The following PRKG1 variants were observed in gnomAD, a reference collection of about 807,000 sequenced individuals.
PRKG1 encodes the protein protein kinase cGMP-dependent 1.
PRKG1 carries 35 observed loss-of-function variants against 88.1 expected under a neutral mutation model. The ratio of observed to expected loss-of-function variants is 0.40; its 90% CI spans 0.30 to 0.53. PRKG1 has a LOEUF of 0.53. Among genes scored for constraint, PRKG1 ranks in the 20% least tolerant of loss-of-function variants. The probability of loss-of-function intolerance (pLI) is 0.59; values close to 1 mark genes in which losing one functional copy is unlikely to be tolerated. For synonymous variants in PRKG1, 303 were observed against 292.5 expected, an observed-to-expected ratio of 1.04 and a Z score of -0.37; for missense variants, 540 against 839.8, an observed-to-expected ratio of 0.64 and a Z score of 4.41.
intron 5 of PRKG1, among the ~76,000 whole-genome samples, chr10:52,024,282 TACTTA>T (rs1845268318): frequency 6.6e-6 from 1 of 151,330 alleles, no homozygotes; most frequent in Non-Finnish European, 1.5e-5. Flanking sequence ...AAAACTACTT[TACTTA>T]TTTATTTATT....
At chr10:51,986,852 G>A (rs11000384) in intron 5 of PRKG1, among the ~76,000 whole-genome samples, 37,218 of 152,028 alleles carry the variant, frequency 0.24, 4,642 homozygotes, top group East Asian at 0.32. Context: ...CCCATAGAAG[G>A]AACAGGAAAA....
intron 9 of PRKG1, among the ~76,000 whole-genome samples, chr10:52,167,232 G>A (rs1325574420): frequency 6.6e-6 from 1 of 152,008 alleles, no homozygotes; most frequent in African/African-American, 2.4e-5. Context: ...ATCACATGAA[G>A]AGAAAGGGAT....
At chr10:51,949,506 G>C (rs1034464383) in intron 5 of PRKG1, among the ~76,000 whole-genome samples, 1 of 151,740 alleles carries the variant, frequency 6.6e-6, no homozygotes. Flanking sequence ...GTACAATAGA[G>C]TAGAAGAGCA....
rs1433048297 is a variant in PRKG1 at position 51,205,127 on chromosome 10, C to CTTTCTT, written c.478+51800_478+51801insCTTTTT. ...TAAGGAAGAATTTTCATTTTCTTTT[C>CTTTCTT]TTTTTTTTTTTTTTTTTTTTTTTTT... On this transcript the variant is annotated intron_variant, in intron 2 of 17. Transcript: ENST00000373980. Among the ~76,000 whole-genome samples, 36 of 64,014 alleles carry CTTTCTT rather than the reference C, an allele frequency of 5.6e-4. 2 individuals are homozygous for CTTTCTT. Among genetic ancestry groups the CTTTCTT allele is most frequent in the Non-Finnish European group, 6.6e-4 (22 of 33,244 alleles). The allele number at this position is 64,014 out of a possible 152,430, so 42.0% of individuals were successfully genotyped here.
chr10:52,018,571 A>G (rs1270577346), intron 5 of PRKG1, among the ~76,000 whole-genome samples: 13 of 152,144 alleles, frequency 8.5e-5, no homozygotes, highest in Non-Finnish European at 1.5e-5. Context: ...CAAACAACAA[A>G]CCCCAAAACA....
chr10:52,086,513 T>C (rs1846919137), intron 7 of PRKG1, among the ~76,000 whole-genome samples: 1 of 151,934 alleles, frequency 6.6e-6, no homozygotes, highest in South Asian at 2.1e-4. Context: ...GAAGCAATTT[T>C]CCTGCCTCAG....
In PRKG1 at chr10:51,009,710, T is replaced by G. The variant is rs567388305; in HGVS notation, c.266+18066T>G. On this transcript the variant is annotated intron_variant, in intron 1 of 17. Transcript: ENST00000401604. ...ATAATATATTTCTTTCTGGGTCTAT[T>G]TAATTCAGAAACATTCTCATACAAG... is the stretch of plus-strand genomic sequence containing the variant. Among the ~76,000 whole-genome samples, 4 of 152,334 alleles carry G rather than the reference T, an allele frequency of 2.6e-5. No homozygotes were observed. In the East Asian group the frequency reaches 5.8e-4, roughly 22 times the overall value.
intron 3 of PRKG1, among the ~76,000 whole-genome samples, chr10:51,484,205 T>G (rs1322725583): frequency 2.6e-5 from 4 of 152,296 alleles, no homozygotes; most frequent in Admixed American, 6.5e-5. Flanking sequence ...TTGCCTTTTT[T>G]AATGCCCTTT....
At chr10:52,168,460 A>G (rs1023056850) in intron 9 of PRKG1, among the ~76,000 whole-genome samples, 3 of 152,150 alleles carry the variant, frequency 2.0e-5, no homozygotes, top group Admixed American at 2.0e-4. Context: ...AACAAAAGAG[A>G]GAAGGAGATC....
intron 3 of PRKG1, among the ~76,000 whole-genome samples, chr10:51,791,978 C>T (rs73347268): frequency 1.6e-3 from 247 of 152,040 alleles, no homozygotes; most frequent in African/African-American, 5.4e-3. Flanking sequence ...TAATTAGAGA[C>T]GTGAATTAAA....
rs554418290 is a variant in PRKG1 at position 51,687,526 on chromosome 10, T to A, written c.593-117059T>A. Among the ~76,000 whole-genome samples, 13 of 152,336 alleles carry A rather than the reference T, an allele frequency of 8.5e-5. No individual in the cohort carries two copies. The East Asian group carries it at 1.3e-3, about 16-fold the overall frequency. The stretch of plus-strand genomic sequence containing the variant: ...AAGCTCTGTGTGATGTTAGGCAATA[T>A]TTCTGGGTTATAGGGAAAGACATTT... On this transcript the variant is annotated intron_variant, in intron 3 of 17. Transcript: ENST00000373980.
At chr10:51,304,240 AAATT>A (rs1179871484) in intron 2 of PRKG1, among the ~76,000 whole-genome samples, 3 of 127,844 alleles carry the variant, frequency 2.3e-5, no homozygotes, top group Non-Finnish European at 5.2e-5. Flanking sequence ...AAGCACTTGA[AAATT>A]AGTTAGAAAA....
intron 1 of PRKG1, among the ~76,000 whole-genome samples, chr10:51,062,253 G>A (rs1272919036): frequency 6.6e-6 from 1 of 152,172 alleles, no homozygotes; most frequent in South Asian, 2.1e-4. Flanking sequence ...CCTGATTTCA[G>A]TTTTTTTCCC....
At chr10:51,757,539 G>C (rs1837901728) in intron 3 of PRKG1, among the ~76,000 whole-genome samples, 1 of 152,110 alleles carries the variant, frequency 6.6e-6, no homozygotes, top group African/African-American at 2.4e-5. Flanking sequence ...AATACTAAGG[G>C]AAGACACTAC....
At chr10:51,494,786 C>G (rs986512171) in intron 3 of PRKG1, among the ~76,000 whole-genome samples, 2 of 152,142 alleles carry the variant, frequency 1.3e-5, no homozygotes, top group African/African-American at 4.8e-5. Context: ...GTGTTTGTGA[C>G]TTCGAAAATT....
At chr10:51,397,719 C>A (rs776355942) in intron 2 of PRKG1, among the ~76,000 whole-genome samples, 2 of 152,156 alleles carry the variant, frequency 1.3e-5, no homozygotes, top group Non-Finnish European at 2.9e-5. Flanking sequence ...AAAATCACAG[C>A]AGTTATCAAG....
At position 51,553,986 on chromosome 10, in the gene PRKG1, A is replaced by ATGTGATACGTGCATATTATATG. The variant is rs1564547237; in HGVS notation, c.592+86152_592+86153insTGATACGTGCATATTATATGTG. 8.2e-5 allele frequency among the ~76,000 whole-genome samples: 9 copies of ATGTGATACGTGCATATTATATG among 109,904 alleles called. 1 individual carries two copies. The highest frequency in any genetic ancestry group is 1.9e-4 in the African/African-American group (5 of 26,084). 72.1% of individuals were successfully genotyped at this position (109,904 alleles called of 152,430 possible). A position where few individuals can be genotyped will look rare whatever the true frequency, so the allele number is the denominator to read the frequency against. On this transcript the variant is annotated intron_variant, in intron 3 of 17. Coordinates refer to ENST00000373980, the MANE Select transcript of PRKG1 (RefSeq NM_006258.4). ...TGTATTAGATACGTGCATATTATAT[A>ATGTGATACGTGCATATTATATG]TGCGTATGTGATACGTGCATATTAT...
At chr10:52,060,835 T>G (rs1376364544) in intron 6 of PRKG1, among the ~76,000 whole-genome samples, 1 of 151,896 alleles carries the variant, frequency 6.6e-6, no homozygotes, top group Non-Finnish European at 1.5e-5. Flanking sequence ...CTAGAACACA[T>G]GCATAAGAAT....
intron 3 of PRKG1, among the ~76,000 whole-genome samples, chr10:51,670,749 T>C (rs979429787): frequency 1.4e-5 from 1 of 71,940 alleles, no homozygotes; most frequent in Non-Finnish European, 3.1e-5. Flanking sequence ...AAAAAATAAA[T>C]AAATAAATAA....
Sources: gnomAD v4.1 joint callset for allele counts (sites outside exome capture counted in the v4.1 genomes callset) on GRCh38, gnomAD v4.1.1 for gene constraint, MANE v1.5 for transcripts, NCBI Gene and HGNC (gene_info 2026-07-23, HGNC 2026-07-21) for gene names.